The following NAGS variants were observed in gnomAD, a reference collection of about 807,000 sequenced individuals.
NAGS encodes the protein N-acetylglutamate synthase, mitochondrial.
Under a neutral mutation model 46.9 loss-of-function variants are expected in NAGS, and 34 were observed. The ratio of observed to expected loss-of-function variants is 0.72; its 90% confidence interval spans 0.55 to 0.97. NAGS has a LOEUF of 0.97. NAGS is among the 50% of genes least tolerant of loss of function. NAGS has a pLI of 0.00. For missense variants in NAGS, 665 were observed against 747.0 expected, an observed-to-expected ratio of 0.89 and a Z score of 1.28; for synonymous variants, 334 against 346.3, an observed-to-expected ratio of 0.96 and a Z score of 0.39.
chr17:44,005,836 A>C lies in NAGS; in HGVS notation c.626A>C (p.His209Pro), dbSNP rs1231206707. The change falls in exon 2 of 7, where the codon CAC (histidine) becomes CCC (proline). Residue 209 changes from histidine to proline, a missense_variant. Physicochemically the swap from His to Pro is moderately conservative, Grantham distance 77. Transcript: ENST00000293404. The surrounding 1 kb of genome is among the most constrained non-coding windows in gnomAD (Gnocchi z 7.2). ...SCKVLVDALRHNAAAAVPFFG... is the reference protein window; with the variant it reads ...SCKVLVDALRPNAAAAVPFFG... ...AAGGTGCTGGTAGACGCGCTTCGACACAACGCCGCCGCTGCTGTGCCATTT... is the reference window on the plus strand; with the variant it reads ...AAGGTGCTGGTAGACGCGCTTCGACCCAACGCCGCCGCTGCTGTGCCATTT... 4.5e-6 allele frequency: 7 copies of C among 1,568,754 alleles called. No homozygotes were observed. The highest frequency in any genetic ancestry group is 6.0e-6 in the Non-Finnish European group (7 of 1,158,564).
chr17:44,005,527 C>G lies in NAGS; in HGVS notation c.427-110C>G, dbSNP rs2049074143. ...TGGGCACTGGTGGCCAGAACTGGGT[C>G]CTGACAGCTTCTGGAAGGGTAGGGT... On this transcript the variant is annotated intron_variant, in intron 1 of 6. Transcript: ENST00000293404. This position sits in a 1 kb window ranked among gnomAD's most constrained non-coding sequence, Gnocchi z 7.2. 5 of 1,456,090 alleles carry G rather than the reference C, an allele frequency of 3.4e-6. No homozygotes were observed. The Admixed American group carries it at 9.9e-5, about 29-fold the overall frequency. The allele number at this position is 1,456,090 out of a possible 1,614,324, so 90.2% of individuals were successfully genotyped here.
chr17:44,006,259 T>TC lies in NAGS; in HGVS notation c.915+27dup. On this transcript the variant is annotated intron_variant, in intron 3 of 6. Coordinates refer to ENST00000293404, the MANE Select transcript of NAGS (RefSeq NM_153006.3). The surrounding 1 kb of genome is among the most constrained non-coding windows in gnomAD (Gnocchi z 4.8). Reference sequence around the variant, plus strand: ...TAAGGTGCGGCCCTTTCTTTCACCTTCCCCCACGCCGGCGATCCGGGCCTT... The same window carrying TC: ...TAAGGTGCGGCCCTTTCTTTCACCTTCCCCCCACGCCGGCGATCCGGGCCTT... 3 of 1,609,672 alleles carry TC rather than the reference T, an allele frequency of 1.9e-6. No homozygotes were observed. The highest frequency in any genetic ancestry group is 1.1e-5 in the South Asian group (1 of 90,696).
In NAGS at chr17:44,005,934, C is replaced by T; in HGVS notation, c.701+23C>T. 6.5e-7 allele frequency: 1 copy of T among 1,548,170 alleles called. No individual in the cohort carries two copies. Among genetic ancestry groups the T allele is most frequent in the Non-Finnish European group, 8.7e-7 (1 of 1,151,118 alleles). ...CAGGTGAGTGCCCGCCCTGCCCGCC[C>T]AGGCGTCCTCAGAGCGTGCTACTCT... On this transcript the variant is annotated intron_variant, in intron 2 of 6. Coordinates refer to ENST00000293404, the MANE Select transcript of NAGS (RefSeq NM_153006.3). This position sits in a 1 kb window ranked among gnomAD's most constrained non-coding sequence, Gnocchi z 7.2.
intron 6 of NAGS, among the ~76,000 whole-genome samples, chr17:44,008,199 C>G (rs1040174309): frequency 2.6e-5 from 4 of 152,218 alleles, no homozygotes; most frequent in African/African-American, 9.6e-5. Context: ...CACCCGCTCC[C>G]TTCCTGTGTG....
chr17:44,006,788 G>T lies in NAGS; in HGVS notation c.1096+79G>T, dbSNP rs1379628234. ...GGCTGGGTGTCTGCGGTCAGGAGGA[G>T]CGGCTTCTCCTCCTGTCCAGGAGCC... is the stretch of plus-strand genomic sequence containing the variant. On this transcript the variant is annotated intron_variant, in intron 4 of 6. Transcript: ENST00000293404. The surrounding 1 kb of genome is among the most constrained non-coding windows in gnomAD (Gnocchi z 4.8). 4 of 1,450,310 alleles carry T rather than the reference G, an allele frequency of 2.8e-6. No homozygotes were observed. Among genetic ancestry groups the T allele is most frequent in the Middle Eastern group, 2.5e-4 (1 of 3,984 alleles). 89.8% of individuals were successfully genotyped at this position (1,450,310 alleles called of 1,614,324 possible).
In NAGS at chr17:44,006,602, G is replaced by C. The variant is rs1339663601; in HGVS notation, c.989G>C (p.Arg330Pro). Residue 330 changes from arginine (R) to proline (P), a missense_variant, in exon 4 of 7, where the codon CGG becomes CCG. Transcript: ENST00000293404. The surrounding 1 kb of genome is among the most constrained non-coding windows in gnomAD (Gnocchi z 4.8). Reference sequence around the variant, plus strand: ...GCCGAGTGGGTGAGCACAAAAGAACGGCAGCAGATGCGGCTCATCGTGGAC... The same window carrying C: ...GCCGAGTGGGTGAGCACAAAAGAACCGCAGCAGATGCGGCTCATCGTGGAC... ...CNAEWVSTKE[R>P]QQMRLIVDVL... is the part of the protein sequence containing the mutation. 1.2e-6 allele frequency: 2 copies of C among 1,601,960 alleles called. No homozygotes were observed. Among genetic ancestry groups the C allele is most frequent in the Non-Finnish European group, 1.7e-6 (2 of 1,174,500 alleles).
chr17:44,005,103 G>T lies in NAGS; in HGVS notation c.426+14G>T, dbSNP rs781278884. 1.3e-6 allele frequency: 2 copies of T among 1,559,730 alleles called. No individual in the cohort carries two copies. The highest frequency in any genetic ancestry group is 1.7e-6 in the Non-Finnish European group (2 of 1,156,136). On this transcript the variant is annotated intron_variant, in intron 1 of 6. Coordinates refer to ENST00000293404, the MANE Select transcript of NAGS (RefSeq NM_153006.3). The surrounding 1 kb of genome is among the most constrained non-coding windows in gnomAD (Gnocchi z 7.2). ...GCCGTCATCGAGGTGAGCGGAGCCC[G>T]GCGTGGGCCGTGACGCAGCGAGGGG... is the stretch of plus-strand genomic sequence containing the variant.
rs773010705 is a variant in NAGS at position 44,008,594 on chromosome 17, G to A, written c.1598G>A (p.Gly533Asp). 1.2e-6 allele frequency: 2 copies of A among 1,613,694 alleles called. No individual in the cohort carries two copies. ...TTTCACAAGCCAGCTTCTGACCCAG[G>A]CAGCTGACCCTCACCATGGACACTA... ...DSFHKPASDPGS is the reference protein window; with the variant it reads ...DSFHKPASDPDS Residue 533 changes from glycine (G) to aspartate (D), a missense_variant, in exon 7 of 7, where the codon GGC becomes GAC. By Grantham distance (94) the Gly-to-Asp change is moderately conservative. Coordinates refer to ENST00000293404, the MANE Select transcript of NAGS (RefSeq NM_153006.3).
chr17:44,004,643 G>T lies in NAGS; in HGVS notation c.-21G>T. On this transcript the variant is annotated 5_prime_UTR_variant, in exon 1 of 7. Coordinates refer to ENST00000293404, the MANE Select transcript of NAGS (RefSeq NM_153006.3). Reference sequence around the variant, plus strand: ...CTCCAGACAGACTGCCACTCTTGGGGGGCAAGAGTTGGTTGTCGTCATGGC... The same window carrying T: ...CTCCAGACAGACTGCCACTCTTGGGTGGCAAGAGTTGGTTGTCGTCATGGC... 6.6e-7 allele frequency: 1 copy of T among 1,509,370 alleles called. No homozygotes were observed. The allele number at this position is 1,509,370 out of a possible 1,614,324, so 93.5% of individuals were successfully genotyped here. A position where few individuals can be genotyped will look rare whatever the true frequency, so the allele number is the denominator to read the frequency against.
rs2049068951 is a variant in NAGS at position 44,005,172 on chromosome 17, C to A, written c.426+83C>A. ...CTGTCCTCAGGCATGGCAGGATACG[C>A]TGCGGGCTCTGCGCAGCGGAAGCGG... On this transcript the variant is annotated intron_variant, in intron 1 of 6. Coordinates refer to ENST00000293404, the MANE Select transcript of NAGS (RefSeq NM_153006.3). The surrounding 1 kb of genome is among the most constrained non-coding windows in gnomAD (Gnocchi z 7.2). 1 of 1,485,050 alleles carries A rather than the reference C, an allele frequency of 6.7e-7. No individual in the cohort carries two copies. Among genetic ancestry groups the A allele is most frequent in the Non-Finnish European group, 9.0e-7 (1 of 1,116,072 alleles). The allele number at this position is 1,485,050 out of a possible 1,614,324, so 92.0% of individuals were successfully genotyped here. A position where few individuals can be genotyped will look rare whatever the true frequency, so the allele number is the denominator to read the frequency against.
chr17:44,005,306 C>G lies in NAGS; in HGVS notation c.426+217C>G, dbSNP rs912972420. Among the ~76,000 whole-genome samples, 13 of 152,198 alleles carry G rather than the reference C, an allele frequency of 8.5e-5. No individual in the cohort carries two copies. Among genetic ancestry groups the G allele is most frequent in the Non-Finnish European group, 2.9e-5 (2 of 68,034 alleles). Reference sequence around the variant, plus strand: ...AGTGAGGATCCTGGGGGACCCCACCCGCCAGGTGTGATGCTCTGAAGAAGG... The same window carrying G: ...AGTGAGGATCCTGGGGGACCCCACCGGCCAGGTGTGATGCTCTGAAGAAGG... On this transcript the variant is annotated intron_variant, in intron 1 of 6. Transcript: ENST00000293404. This position sits in a 1 kb window ranked among gnomAD's most constrained non-coding sequence, Gnocchi z 7.2.
Position 44,007,091 on chromosome 17 carries a change from A to G in NAGS, c.1097-232A>G. The G allele has an allele frequency of 1.7e-6, 1 of 595,322 alleles. No individual in the cohort carries two copies. The allele number at this position is 595,322 out of a possible 1,614,324, so 36.9% of individuals were successfully genotyped here. A position where few individuals can be genotyped will look rare whatever the true frequency, so the allele number is the denominator to read the frequency against. ...CAAGGAGCGAGGCAAGACTAACGGA[A>G]GTGGGTGGGGCTCCAGGCGACAGGA... On this transcript the variant is annotated intron_variant, in intron 4 of 6. Transcript: ENST00000293404. This position sits in a 1 kb window ranked among gnomAD's most constrained non-coding sequence, Gnocchi z 5.1.
Position 44,007,479 on chromosome 17 carries a change from T to C in NAGS, c.1253T>C (p.Ile418Thr), listed in dbSNP as rs1447218805. ...TCGCTGCGCCCGCGGCTGCACTCCA[T>C]CTACGTCTCCGAGGGGTAAGCCTGC... is the stretch of plus-strand genomic sequence containing the variant. ...LASLRPRLHS[I>T]YVSEGYNAAA... Residue 418 changes from isoleucine (I) to threonine (T), a missense_variant, in exon 5 of 7, where the codon ATC (isoleucine) becomes ACC (threonine). Coordinates refer to ENST00000293404, the MANE Select transcript of NAGS (RefSeq NM_153006.3). The surrounding 1 kb of genome is among the most constrained non-coding windows in gnomAD (Gnocchi z 5.1). 1 of 1,613,718 alleles carries C rather than the reference T, an allele frequency of 6.2e-7. No individual in the cohort carries two copies. The highest frequency in any genetic ancestry group is 1.1e-5 in the South Asian group (1 of 91,072).
chr17:44,006,113 C>T lies in NAGS; in HGVS notation c.791C>T (p.Thr264Met), dbSNP rs1251891037. The change falls in exon 3 of 7, where the codon ACG becomes ATG. Residue 264 changes from threonine (T) to methionine (M), a missense_variant. Transcript: ENST00000293404. This position sits in a 1 kb window ranked among gnomAD's most constrained non-coding sequence, Gnocchi z 4.8. The part of the protein sequence containing the change: ...SIPILCPIGE[T>M]AARRSVLLDS... ...CCCATCCTGTGCCCCATCGGGGAGA[C>T]GGCCGCGCGCCGCTCCGTGCTTCTC... 1.2e-6 allele frequency: 2 copies of T among 1,612,940 alleles called. No individual in the cohort carries two copies. Among genetic ancestry groups the T allele is most frequent in the African/African-American group, 1.3e-5 (1 of 75,032 alleles).
chr17:44,008,405 C>G (rs367554074), intron 6 of NAGS, 43 bp from the exon 7 acceptor site: 5 of 1,611,084 alleles, frequency 3.1e-6, no homozygotes, highest in Non-Finnish European at 4.2e-6. Context: ...GAACACTGGC[C>G]TTGCCCTAAA....
In NAGS at chr17:44,007,446, A is replaced by T; in HGVS notation, c.1220A>T (p.Tyr407Phe). ...TTCGGCAAGAAGCTCAGGGACGACT[A>T]CCTGGCCTCGCTGCGCCCGCGGCTG... Reference protein sequence around the residue: ...ASFGKKLRDDYLASLRPRLHS... With the variant: ...ASFGKKLRDDFLASLRPRLHS... The change falls in exon 5 of 7, where the codon TAC becomes TTC. Residue 407 changes from tyrosine (Y) to phenylalanine (F), a missense_variant. Transcript: ENST00000293404. This position sits in a 1 kb window ranked among gnomAD's most constrained non-coding sequence, Gnocchi z 5.1. 2 of 1,613,784 alleles carry T rather than the reference A, an allele frequency of 1.2e-6. No homozygotes were observed. Among genetic ancestry groups the T allele is most frequent in the South Asian group, 2.2e-5 (2 of 91,082 alleles).
At position 44,004,997 on chromosome 17, in the gene NAGS, C is replaced by T; in HGVS notation, c.334C>T (p.Gln112Ter). The T allele has an allele frequency of 6.5e-7, 1 of 1,550,052 alleles. No individual in the cohort carries two copies. Among genetic ancestry groups the T allele is most frequent in the Non-Finnish European group, 8.7e-7 (1 of 1,153,674 alleles). Residue 112 changes from glutamine (Q) to a stop codon, truncating the protein, a stop_gained, in exon 1 of 7, where the codon CAG becomes TAG. Transcript: ENST00000293404. LOFTEE classifies it high-confidence loss of function. ...GCGGGACATCCAGGCCTTCCTGAAC[C>T]AGTGCGGGGCCAGCCCTGGGGAGGC... The part of the protein sequence containing the change: ...VQRDIQAFLN[Q>*]CGASPGEARH...
rs761450895 is a variant in NAGS at position 44,005,003 on chromosome 17, G to C, written c.340G>C (p.Gly114Arg). The change falls in exon 1 of 7, where the codon GGG (glycine) becomes CGG (arginine). Residue 114 changes from glycine to arginine, a missense_variant. Gly to Arg is a moderately radical substitution (Grantham distance 125, BLOSUM62 -2). Transcript: ENST00000293404. This position sits in a 1 kb window ranked among gnomAD's most constrained non-coding sequence, Gnocchi z 7.2. ...RDIQAFLNQC[G>R]ASPGEARHWL... ...CATCCAGGCCTTCCTGAACCAGTGC[G>C]GGGCCAGCCCTGGGGAGGCGCGCCA... 2.6e-6 allele frequency: 4 copies of C among 1,553,450 alleles called. No individual in the cohort carries two copies. Among genetic ancestry groups the C allele is most frequent in the Non-Finnish European group, 3.5e-6 (4 of 1,155,400 alleles).
chr17:44,007,722 A>G lies in NAGS; in HGVS notation c.1400A>G (p.Asp467Gly), dbSNP rs1597866577. 3.8e-6 allele frequency: 6 copies of G among 1,597,496 alleles called. No homozygotes were observed. The highest frequency in any genetic ancestry group is 4.3e-6 in the Non-Finnish European group (5 of 1,172,000). Residue 467 changes from aspartate (D) to glycine (G), a missense_variant, in exon 6 of 7, where the codon GAC becomes GGC. Transcript: ENST00000293404. This position sits in a 1 kb window ranked among gnomAD's most constrained non-coding sequence, Gnocchi z 5.1. ...ATGCTGTGGGAGTGCCTGCGGCGGG[A>G]CCTTCAGACACTTTTCTGGCGCTCC... ...GQMLWECLRR[D>G]LQTLFWRSRV...
Sources: gnomAD v4.1 joint callset for allele counts (sites outside exome capture counted in the v4.1 genomes callset) on GRCh38, gnomAD v4.1.1 for gene constraint, Gnocchi (gnomAD v3.1) non-coding constraint, MANE v1.5 for transcripts, NCBI Gene and HGNC (gene_info 2026-07-23, HGNC 2026-07-21) for gene names.